ANXA8: variants seen among roughly 807,000 people sequenced by gnomAD.
The protein encoded by ANXA8 is VAC-beta.
A neutral mutation model predicts 26.8 loss-of-function variants in ANXA8; 9 were observed. The observed-to-expected ratio is 0.34, with a 90% CI of 0.20 to 0.59. The LOEUF (loss-of-function observed/expected upper bound fraction) is 0.59. Among genes scored for constraint, ANXA8 ranks in the 20% least tolerant of loss-of-function variants. The pLI is 0.84. For missense variants in ANXA8, 83 were observed against 238.5 expected, an observed-to-expected ratio of 0.35 and a Z score of 4.29; for synonymous variants, 39 against 94.8, an observed-to-expected ratio of 0.41 and a Z score of 3.42.
the ANXA8 span, chr10:47,696,375 T>G: frequency 1.8e-6 from 2 of 1,114,868 alleles, no homozygotes; most frequent in Non-Finnish European, 2.5e-6. Flanking sequence ...ATTTATGGCA[T>G]GATCAGAATG....
the ANXA8 span, among the ~76,000 whole-genome samples, chr10:47,493,510 G>C: frequency 6.1e-5 from 9 of 148,446 alleles, no homozygotes; most frequent in Non-Finnish European, 1.0e-4. Flanking sequence ...TTCTATGCCT[G>C]CTCCCCTGAT....
At chr10:47,502,469 G>A in the ANXA8 span, 1 of 1,612,944 alleles carries the variant, frequency 6.2e-7, no homozygotes, top group Non-Finnish European at 8.5e-7. Flanking sequence ...TTTATTGAGG[G>A]TTTTGTCTGC....
chr10:47,672,230 T>A, the ANXA8 span, among the ~76,000 whole-genome samples: 1 of 150,164 alleles, frequency 6.7e-6, no homozygotes, highest in South Asian at 2.1e-4. Context: ...GAACAATTGT[T>A]AATTGTCTTA....
chr10:47,627,631 A>T, the ANXA8 span, among the ~76,000 whole-genome samples: 2 of 150,148 alleles, frequency 1.3e-5, no homozygotes, highest in Non-Finnish European at 2.9e-5. Flanking sequence ...CTGGATTCAA[A>T]ATCTATTCCT....
At chr10:47,574,273 G>A in the ANXA8 span, among the ~76,000 whole-genome samples, 2 of 100,226 alleles carry the variant, frequency 2.0e-5, no homozygotes, top group East Asian at 4.7e-4. Flanking sequence ...TTGCTATCAC[G>A]CCTGGTTAAT....
the ANXA8 span, among the ~76,000 whole-genome samples, chr10:47,969,765 G>A: frequency 6.6e-6 from 1 of 150,392 alleles, no homozygotes; most frequent in Non-Finnish European, 1.5e-5. Flanking sequence ...GCCTAGGCTG[G>A]AGTAGGGTGG....
At chr10:47,546,113 T>C in the ANXA8 span, among the ~76,000 whole-genome samples, 1 of 126,270 alleles carries the variant, frequency 7.9e-6, no homozygotes, top group Admixed American at 8.6e-5. Flanking sequence ...TTAAGCCAAA[T>C]AACAGGTCTC....
At chr10:47,493,082 TG>T in the ANXA8 span, among the ~76,000 whole-genome samples, 1 of 151,568 alleles carries the variant, frequency 6.6e-6, no homozygotes, top group African/African-American at 2.4e-5. Flanking sequence ...GCAGGACCTC[TG>T]GGTCTCAAGA....
chr10:47,620,750 T>C, the ANXA8 span, among the ~76,000 whole-genome samples: 1 of 108,944 alleles, frequency 9.2e-6, no homozygotes, highest in Non-Finnish European at 2.0e-5. Flanking sequence ...TAACTGAGGT[T>C]AGGAAGCACC....
chr10:47,743,405 T>TGTGTGTGTGAGAGA, the ANXA8 span, among the ~76,000 whole-genome samples: 1 of 83,534 alleles, frequency 1.2e-5, no homozygotes, highest in African/African-American at 4.9e-5. Context: ...TGTGTGTGTG[T>TGTGTGTGTGAGAGA]GAGAGAGAGA....
upstream of ANXA8, among the ~76,000 whole-genome samples, chr10:47,486,945 C>A (rs1395040804): frequency 6.6e-6 from 1 of 150,414 alleles, no homozygotes; most frequent in Non-Finnish European, 1.5e-5. Flanking sequence ...TGCCCTCCAG[C>A]CTGGGCGACA....
At chr10:47,558,697 T>C in the ANXA8 span, among the ~76,000 whole-genome samples, 1 of 151,816 alleles carries the variant, frequency 6.6e-6, no homozygotes, top group Non-Finnish European at 1.5e-5. Flanking sequence ...TCTAAGACTT[T>C]GGGATACAAA....
chr10:47,693,711 T>C, the ANXA8 span, among the ~76,000 whole-genome samples: 1 of 151,936 alleles, frequency 6.6e-6, no homozygotes, highest in South Asian at 2.1e-4. Context: ...GGAGGTTCAA[T>C]TCACCTAACT....
chr10:47,932,335 G>A, the ANXA8 span, among the ~76,000 whole-genome samples: 2 of 150,870 alleles, frequency 1.3e-5, no homozygotes, highest in Non-Finnish European at 3.0e-5. Context: ...TCTGTGGGGG[G>A]CATCATGTCA....
chr10:47,710,147 T>C, the ANXA8 span: 1 of 667,296 alleles, frequency 1.5e-6, no homozygotes, highest in Non-Finnish European at 2.5e-6. Flanking sequence ...AAAATACAGT[T>C]CTAAAAAATA....
the ANXA8 span, chr10:47,955,971 C>T: frequency 1.1e-4 from 5 of 44,400 alleles, 2 homozygotes; most frequent in Admixed American, 8.6e-4. Context: ...TCTTTTTTTA[C>T]ATTTTAAATT....
intron 3 of ANXA8, 50 bp from the exon 4 acceptor site, chr10:47,477,244 T>G: frequency 6.3e-7 from 1 of 1,586,402 alleles, no homozygotes; most frequent in Non-Finnish European, 8.6e-7. Context: ...CAGGCCCACC[T>G]GAGTGCAGGC....
chr10:47,597,600 C>CT, the ANXA8 span, among the ~76,000 whole-genome samples: 2 of 141,826 alleles, frequency 1.4e-5, no homozygotes, highest in South Asian at 2.2e-4. Flanking sequence ...AGTAGTATTT[C>CT]TATACAATGC....
chr10:47,528,321 C>T, the ANXA8 span, among the ~76,000 whole-genome samples: 18 of 139,644 alleles, frequency 1.3e-4, no homozygotes, highest in African/African-American at 3.7e-4. Flanking sequence ...CTTCGTGATC[C>T]GCCTGTCTCG....
Sources: allele counts gnomAD v4.1 joint callset (sites outside exome capture counted in the v4.1 genomes callset), GRCh38; gene constraint gnomAD v4.1.1; transcripts MANE v1.5; gene names NCBI Gene and HGNC (gene_info 2026-07-23, HGNC 2026-07-21).